Variants in PSAT1 observed in about 807,000 individuals in gnomAD.
PSAT1 encodes the protein phosphoserine aminotransferase 1, also known as phosphoserine aminotransferase.
Under a neutral mutation model 40.3 loss-of-function variants are expected in PSAT1, and 41 were observed. That is an observed-to-expected ratio of 1.02 (90% confidence interval 0.79 to 1.32). PSAT1 has a LOEUF of 1.32. Among genes scored for constraint, PSAT1 ranks in the 40% most tolerant of loss-of-function variants. The pLI is 0.00. For synonymous variants in PSAT1, 147 were observed against 170.5 expected (o/e 0.86, Z 1.07); for missense variants, 406 against 455.8 (o/e 0.89, Z 0.99).
At chr9:78,320,733 C>A (rs1279478010) in intron 7 of PSAT1, among the ~76,000 whole-genome samples, 2 of 151,084 alleles carry the variant, frequency 1.3e-5, no homozygotes, top group African/African-American at 4.9e-5. Flanking sequence ...GCTCTGTACA[C>A]TAGCCTTGTT....
rs968607322 is a variant in PSAT1, at chr9:78,326,954, T to C, written c.870-1097T>C. On this transcript the variant is annotated intron_variant, in intron 7 of 8. Coordinates refer to ENST00000376588, the MANE Select transcript of PSAT1 (RefSeq NM_058179.4). Reference sequence around the variant, plus strand: ...ACAGCAATATATATATATATATATATATTTTTTTTTTTTTTTTTTGAGACA... The same window carrying C: ...ACAGCAATATATATATATATATATACATTTTTTTTTTTTTTTTTTGAGACA... Among the ~76,000 whole-genome samples, 12 of 90,400 alleles carry C rather than the reference T, an allele frequency of 1.3e-4. No individual in the cohort carries two copies. The South Asian group carries it at 1.5e-3, about 11-fold the overall frequency. The allele number at this position is 90,400 out of a possible 152,430, so 59.3% of individuals were successfully genotyped here.
chr9:78,297,962 A>AC (rs1828051216), intron 1 of PSAT1, among the ~76,000 whole-genome samples: 1 of 132,952 alleles, frequency 7.5e-6, no homozygotes, highest in Admixed American at 7.8e-5. Flanking sequence ...CTTTCTCCCC[A>AC]CCCCCCTCCT....
chr9:78,305,660 T>C (rs1448834453), intron 4 of PSAT1, among the ~76,000 whole-genome samples: 2 of 152,156 alleles, frequency 1.3e-5, no homozygotes, highest in African/African-American at 2.4e-5. Context: ...CCAGTAACGG[T>C]CTCATGTCCT....
At chr9:78,312,820 T>C (rs1381940887) in intron 6 of PSAT1, among the ~76,000 whole-genome samples, 2 of 152,210 alleles carry the variant, frequency 1.3e-5, no homozygotes, top group Non-Finnish European at 2.9e-5. Flanking sequence ...ATGCCTGGAA[T>C]CCTGGAATTC....
chr9:78,328,933 G>T, intron 8 of PSAT1, 48 bp from the exon 9 acceptor site: 1 of 1,475,914 alleles, frequency 6.8e-7, no homozygotes, highest in Non-Finnish European at 9.5e-7. Flanking sequence ...GTTTTGATGC[G>T]AAATTAGACG....
chr9:78,327,188 C>T (rs1587649213), intron 7 of PSAT1, among the ~76,000 whole-genome samples: 1 of 151,204 alleles, frequency 6.6e-6, no homozygotes, highest in African/African-American at 2.4e-5. Flanking sequence ...ATCTCAAACT[C>T]CTGACCTCGT....
At chr9:78,319,103 T>A (rs1195996902) in intron 7 of PSAT1, among the ~76,000 whole-genome samples, 2 of 152,232 alleles carry the variant, frequency 1.3e-5, no homozygotes, top group South Asian at 2.1e-4. Context: ...AACAAAAATA[T>A]CTGCTTGATG....
intron 6 of PSAT1, among the ~76,000 whole-genome samples, chr9:78,311,989 C>G (rs10780229): frequency 0.29 from 43,921 of 151,788 alleles, 6,553 homozygotes; most frequent in East Asian, 0.45. Flanking sequence ...TACCTGGAGC[C>G]CTTCAGAACT....
At chr9:78,327,054 C>T (rs918007872) in intron 7 of PSAT1, among the ~76,000 whole-genome samples, 2 of 148,046 alleles carry the variant, frequency 1.4e-5, no homozygotes, top group African/African-American at 5.0e-5. Flanking sequence ...CTCCCGAGTT[C>T]AAGCAATTCT....
chr9:78,301,205 GC>G (rs1828102559), intron 2 of PSAT1, among the ~76,000 whole-genome samples: 1 of 152,126 alleles, frequency 6.6e-6, no homozygotes, highest in Non-Finnish European at 1.5e-5. Context: ...TGACATCTCA[GC>G]TTACCCTGTC....
chr9:78,297,402 G>A lies in PSAT1; in HGVS notation c.60+132G>A, dbSNP rs151214922. On this transcript the variant is annotated intron_variant, in intron 1 of 8. Coordinates refer to ENST00000376588, the MANE Select transcript of PSAT1 (RefSeq NM_058179.4). The stretch of plus-strand genomic sequence containing the variant: ...AGTCCCCTAGGCGCTTTGCATCAGC[G>A]TGCACAGCGGGATCAGCAGCTCCGG... 1.5e-3 allele frequency: 1,598 copies of A among 1,082,304 alleles called. 2 individuals carry two copies. Among genetic ancestry groups the A allele is most frequent in the Non-Finnish European group, 1.9e-3 (1,416 of 735,786 alleles). The allele number at this position is 1,082,304 out of a possible 1,614,324, so 67.0% of individuals were successfully genotyped here.
chr9:78,324,448 A>G (rs1257290108), intron 7 of PSAT1, among the ~76,000 whole-genome samples: 1 of 151,862 alleles, frequency 6.6e-6, no homozygotes. Flanking sequence ...GCCCATCCAT[A>G]GCCCACATAG....
Position 78,318,401 on chromosome 9 carries a change from G to A in PSAT1, c.869+597G>A, listed in dbSNP as rs188964492. Among the ~76,000 whole-genome samples the A allele has an allele frequency of 3.3e-5, 5 of 152,314 alleles. No individual in the cohort carries two copies. The East Asian group carries it at 9.6e-4, about 29-fold the overall frequency. ...TGCACCTGGGAATTCTGCAGAAAAT[G>A]TCTGGGTCTTGTATTAGTTTCCTGG... On this transcript the variant is annotated intron_variant, in intron 7 of 8. Coordinates refer to ENST00000376588, the MANE Select transcript of PSAT1 (RefSeq NM_058179.4).
Position 78,327,972 on chromosome 9 carries a change from G to GA in PSAT1, c.870-70dup, listed in dbSNP as rs996687136. 3.8e-4 allele frequency: 570 copies of GA among 1,487,488 alleles called. 1 individual carries two copies. The highest frequency in any genetic ancestry group is 4.4e-4 in the Non-Finnish European group (470 of 1,073,182). The allele number at this position is 1,487,488 out of a possible 1,614,324, so 92.1% of individuals were successfully genotyped here. ...TCTGCTTGCATCTAGGAAGTGTTAAGAAAAAAAAATCTGTTGATTTGTTTA... is the reference window on the plus strand; with the variant it reads ...TCTGCTTGCATCTAGGAAGTGTTAAGAAAAAAAAAATCTGTTGATTTGTTTA... On this transcript the variant is annotated intron_variant, in intron 7 of 8. Coordinates refer to ENST00000376588, the MANE Select transcript of PSAT1 (RefSeq NM_058179.4).
intron 1 of PSAT1, among the ~76,000 whole-genome samples, chr9:78,297,565 G>T (rs1828044803): frequency 6.6e-6 from 1 of 152,246 alleles, no homozygotes; most frequent in African/African-American, 2.4e-5. Context: ...CCGGTGCCAC[G>T]CACCTGCAGA....
chr9:78,300,767 G>A, intron 2 of PSAT1, 105 bp downstream of exon 2: 1 of 1,426,302 alleles, frequency 7.0e-7, no homozygotes, highest in Non-Finnish European at 9.1e-7. Context: ...CCAGGCTGGA[G>A]TACAGTGGCG....
intron 7 of PSAT1, among the ~76,000 whole-genome samples, chr9:78,322,695 G>C (rs758005528): frequency 2.0e-5 from 3 of 152,138 alleles, no homozygotes; most frequent in Admixed American, 2.0e-4. Flanking sequence ...AAAAGGATAA[G>C]GAAATAAAAG....
intron 1 of PSAT1, chr9:78,298,225 G>T (rs1404252853): frequency 9.4e-6 from 9 of 961,494 alleles, no homozygotes; most frequent in Non-Finnish European, 1.1e-5. Flanking sequence ...AGTCTCCGAT[G>T]TGCCTTGAGC....
intron 6 of PSAT1, among the ~76,000 whole-genome samples, chr9:78,311,555 C>T (rs973757245): frequency 5.9e-5 from 9 of 151,938 alleles, no homozygotes; most frequent in Middle Eastern, 3.4e-3. Flanking sequence ...TGAACACGGC[C>T]GGGTGCGGTG....
Sources: gnomAD v4.1 joint callset for allele counts (sites outside exome capture counted in the v4.1 genomes callset) on GRCh38, gnomAD v4.1.1 for gene constraint, MANE v1.5 for transcripts, NCBI Gene and HGNC (gene_info 2026-07-23, HGNC 2026-07-21) for gene names.